Variants in NRXN1 observed in about 807,000 individuals in gnomAD.
The protein encoded by NRXN1 is neurexin-1.
Under a neutral mutation model 150.9 loss-of-function variants are expected in NRXN1, and 39 were observed. The ratio of observed to expected loss-of-function variants is 0.26; its 90% confidence interval spans 0.20 to 0.34. NRXN1 has a LOEUF of 0.34. Ranked by LOEUF, NRXN1 falls within the 10% of genes least tolerant of loss-of-function variation. The pLI is 1.00. For synonymous variants in NRXN1, 924 were observed against 757.0 expected (o/e 1.22, Z -3.62); for missense variants, 1,815 against 1,949.9 (o/e 0.93, Z 1.30).
chr2:50,227,368 G>C (rs1156773194), intron 18 of NRXN1, among the ~76,000 whole-genome samples: 2 of 152,002 alleles, frequency 1.3e-5, no homozygotes, highest in African/African-American at 4.8e-5. Context: ...ATTGACAACT[G>C]AACAGGGAGC....
intron 2 of NRXN1, among the ~76,000 whole-genome samples, chr2:50,932,327 G>C (rs1687870711): frequency 6.6e-6 from 1 of 151,860 alleles, no homozygotes; most frequent in African/African-American, 2.4e-5. Flanking sequence ...CTCACTTTTG[G>C]TTTCCATTTA....
intron 18 of NRXN1, chr2:50,105,359 T>A (rs1043907105): frequency 2.6e-5 from 4 of 152,080 alleles, no homozygotes; most frequent in Admixed American, 2.6e-4. Context: ...ATGGAAGTAC[T>A]ATCTTTTAGG....
At chr2:50,771,436 T>C (rs1702999866) in intron 5 of NRXN1, among the ~76,000 whole-genome samples, 2 of 152,012 alleles carry the variant, frequency 1.3e-5, no homozygotes, top group South Asian at 4.1e-4. Context: ...AAAATAGGAA[T>C]TGAGAGAAAA....
chr2:50,322,277 C>T (rs186109763), intron 17 of NRXN1, among the ~76,000 whole-genome samples: 86 of 152,214 alleles, frequency 5.6e-4, no homozygotes, highest in African/African-American at 2.0e-3. Context: ...ACAACAACAA[C>T]AAAAACCCAG....
At chr2:50,600,739 A>G (rs1056637397) in intron 8 of NRXN1, among the ~76,000 whole-genome samples, 3 of 152,334 alleles carry the variant, frequency 2.0e-5, no homozygotes, top group South Asian at 2.1e-4. Context: ...CTAAAGAATG[A>G]CATTTCTCCA....
At chr2:50,800,586 G>T (rs1033369844) in intron 5 of NRXN1, among the ~76,000 whole-genome samples, 6 of 151,880 alleles carry the variant, frequency 4.0e-5, no homozygotes, top group Non-Finnish European at 8.8e-5. Context: ...TTTCACTCTT[G>T]TTGCCCAGAA....
chr2:49,927,404 A>C (rs1291546747), intron 22 of NRXN1, among the ~76,000 whole-genome samples: 1 of 152,236 alleles, frequency 6.6e-6, no homozygotes, highest in African/African-American at 2.4e-5. Flanking sequence ...TGTATTTATC[A>C]GTTTGCATTG....
chr2:50,236,967 C>T lies in NRXN1; in HGVS notation c.3368G>A (p.Gly1123Glu). The change falls in exon 18 of 23, where the codon GGG (glycine) becomes GAG (glutamate). Residue 1123 changes from glycine (G) to glutamate (E), a missense_variant. By Grantham distance (98) the Gly-to-Glu change is moderately conservative. Coordinates refer to ENST00000401669, the MANE Select transcript of NRXN1 (RefSeq NM_001330078.2). Reference sequence around the variant, plus strand: ...ACCTTTGCTAAAGATATATGTCGTCCCAGCTGGAAAACAAAAACCAAAACC... The same window carrying T: ...ACCTTTGCTAAAGATATATGTCGTCTCAGCTGGAAAACAAAAACCAAAACC... ...SFSGPLCNDP[G>E]TTYIFSKGGG... 1.2e-6 allele frequency: 2 copies of T among 1,612,880 alleles called. No homozygotes were observed. The highest frequency in any genetic ancestry group is 1.7e-6 in the Non-Finnish European group (2 of 1,179,398).
At chr2:50,995,602 CAAAAAAAAAA>C (rs34952996) in intron 2 of NRXN1, among the ~76,000 whole-genome samples, 9 of 71,932 alleles carry the variant, frequency 1.3e-4, no homozygotes, top group Admixed American at 4.6e-4. Context: ...TAGACTCTGT[CAAAAAAAAAA>C]AAAAAAAAAA....
intron 19 of NRXN1, among the ~76,000 whole-genome samples, chr2:50,076,302 T>G (rs1386008188): frequency 6.6e-6 from 1 of 152,134 alleles, no homozygotes; most frequent in East Asian, 1.9e-4. Flanking sequence ...CAGAAAGAAA[T>G]ACAAACTAAT....
At chr2:49,935,252 T>C (rs1323636288) in intron 22 of NRXN1, among the ~76,000 whole-genome samples, 3 of 152,194 alleles carry the variant, frequency 2.0e-5, no homozygotes, top group Non-Finnish European at 4.4e-5. Flanking sequence ...ATGACTTGCC[T>C]CTAATTACAC....
intron 13 of NRXN1, among the ~76,000 whole-genome samples, chr2:50,504,429 A>T (rs2092118108): frequency 6.6e-6 from 1 of 152,182 alleles, no homozygotes; most frequent in South Asian, 2.1e-4. Context: ...AGTTAGAGAG[A>T]GAAGAGACAG....
At chr2:50,579,261 G>C (rs1671890861) in intron 8 of NRXN1, among the ~76,000 whole-genome samples, 1 of 152,130 alleles carries the variant, frequency 6.6e-6, no homozygotes, top group African/African-American at 2.4e-5. Context: ...TCTAGGATGG[G>C]ATTGATTACA....
chr2:50,181,967 C>T (rs369181121), intron 18 of NRXN1, among the ~76,000 whole-genome samples: 12 of 151,472 alleles, frequency 7.9e-5, no homozygotes, highest in Admixed American at 3.3e-4. Context: ...CCTAGGAGTA[C>T]GCTATTAATT....
At chr2:50,583,831 G>T (rs1391382708) in intron 8 of NRXN1, among the ~76,000 whole-genome samples, 2 of 152,162 alleles carry the variant, frequency 1.3e-5, no homozygotes. Context: ...CATGCAAAAA[G>T]TAAGATGATG....
intron 5 of NRXN1, among the ~76,000 whole-genome samples, chr2:50,837,287 T>C (rs1672252217): frequency 6.6e-6 from 1 of 152,116 alleles, no homozygotes; most frequent in Non-Finnish European, 1.5e-5. Flanking sequence ...CTTACCCCTT[T>C]AAAATACAAG....
chr2:50,842,913 G>A (rs1275967042), intron 5 of NRXN1, among the ~76,000 whole-genome samples: 2 of 152,114 alleles, frequency 1.3e-5, no homozygotes, highest in Non-Finnish European at 2.9e-5. Context: ...TTACAGAATA[G>A]GATTATACAG....
chr2:50,770,094 A>G (rs1702827401), intron 5 of NRXN1, among the ~76,000 whole-genome samples: 1 of 152,090 alleles, frequency 6.6e-6, no homozygotes, highest in Admixed American at 6.6e-5. Flanking sequence ...AACATACGCC[A>G]TTTGGTTTTG....
At chr2:50,600,993 A>T (rs924083506) in intron 8 of NRXN1, among the ~76,000 whole-genome samples, 1 of 152,162 alleles carries the variant, frequency 6.6e-6, no homozygotes, top group East Asian at 1.9e-4. Context: ...AGATGCTTCT[A>T]CCAATATGGT....
Sources: allele counts gnomAD v4.1 joint callset (sites outside exome capture counted in the v4.1 genomes callset), GRCh38; gene constraint gnomAD v4.1.1; transcripts MANE v1.5; gene names NCBI Gene and HGNC (gene_info 2026-07-23, HGNC 2026-07-21).